GABRB2: variants seen among roughly 807,000 people sequenced by gnomAD.
GABRB2 encodes the protein gamma-aminobutyric acid receptor subunit beta-2.
Under a neutral mutation model 54.7 loss-of-function variants are expected in GABRB2, and 16 were observed. That is an observed-to-expected ratio of 0.29 (90% CI 0.20 to 0.44). The LOEUF (loss-of-function observed/expected upper bound fraction) is 0.44, where lower values mean the gene tolerates loss of function less well. GABRB2 is among the 20% of genes least tolerant of loss of function. The probability of loss-of-function intolerance (pLI) is 1.00; values close to 1 mark genes in which losing one functional copy is unlikely to be tolerated. For missense variants in GABRB2, 355 were observed against 644.0 expected (o/e 0.55, Z 4.86); for synonymous variants, 244 against 233.8 (o/e 1.04, Z -0.40).
At chr5:161,311,190 T>A (rs541837947) in intron 9 of GABRB2, among the ~76,000 whole-genome samples, 23 of 152,316 alleles carry the variant, frequency 1.5e-4, no homozygotes, top group Non-Finnish European at 2.9e-4. Flanking sequence ...GGCATGGACT[T>A]CCTCATCTCA....
At chr5:161,349,190 G>A (rs936249100) in intron 5 of GABRB2, among the ~76,000 whole-genome samples, 1 of 151,764 alleles carries the variant, frequency 6.6e-6, no homozygotes, top group African/African-American at 2.4e-5. Flanking sequence ...ATGCAAATCT[G>A]TTCTTTTCTA....
At chr5:161,411,126 A>C in intron 4 of GABRB2, 69 bp from the exon 5 acceptor site, 1 of 1,185,042 alleles carries the variant, frequency 8.4e-7, no homozygotes, top group Non-Finnish European at 1.3e-6. Context: ...TTTAAATCTA[A>C]GTATCAAAGA....
At position 161,355,446 on chromosome 5, in the gene GABRB2, CAT is replaced by C. The variant is rs776362775; in HGVS notation, c.542-18679_542-18678del. Among the ~76,000 whole-genome samples, 10 of 150,888 alleles carry C rather than the reference CAT, an allele frequency of 6.6e-5. 1 individual carries two copies. The highest frequency in any genetic ancestry group is 1.0e-4 in the Non-Finnish European group (7 of 67,728). ...TACATGCATATGTATATAACACACA[CAT>C]ATATAACAACTATACACATACATAT... On this transcript the variant is annotated intron_variant, in intron 5 of 9. Transcript: ENST00000393959.
intron 5 of GABRB2, among the ~76,000 whole-genome samples, chr5:161,354,656 G>T (rs1023558960): frequency 1.3e-5 from 2 of 151,976 alleles, no homozygotes; most frequent in East Asian, 3.9e-4. Flanking sequence ...CTTAAAAACA[G>T]CAACAAACAA....
At chr5:161,370,369 G>A (rs1019068670) in intron 5 of GABRB2, among the ~76,000 whole-genome samples, 1 of 152,150 alleles carries the variant, frequency 6.6e-6, no homozygotes. Context: ...AGTTTTGAGA[G>A]GCTAGCTTCT....
chr5:161,415,383 CA>C (rs1247009775), intron 4 of GABRB2, among the ~76,000 whole-genome samples: 7 of 152,132 alleles, frequency 4.6e-5, no homozygotes, highest in African/African-American at 1.7e-4. Flanking sequence ...ACTACTTAGC[CA>C]TTGGGAAATA....
At chr5:161,531,249 T>C (rs764105232) in intron 3 of GABRB2, among the ~76,000 whole-genome samples, 4 of 152,158 alleles carry the variant, frequency 2.6e-5, no homozygotes, top group Middle Eastern at 3.2e-3. Context: ...TTTAAAATAA[T>C]TCACAAATCA....
intron 5 of GABRB2, among the ~76,000 whole-genome samples, chr5:161,399,936 C>T (rs772605725): frequency 2.0e-4 from 30 of 151,896 alleles, no homozygotes; most frequent in African/African-American, 6.3e-4. Context: ...ATGGTGATGG[C>T]GATAATGTAA....
chr5:161,418,373 G>A (rs1257491060), intron 4 of GABRB2, among the ~76,000 whole-genome samples: 1 of 152,110 alleles, frequency 6.6e-6, no homozygotes, highest in Non-Finnish European at 1.5e-5. Context: ...AGAATATACT[G>A]TCTTCTAAGT....
chr5:161,486,839 G>T (rs1003006450), intron 3 of GABRB2, among the ~76,000 whole-genome samples: 1 of 151,914 alleles, frequency 6.6e-6, no homozygotes, highest in Non-Finnish European at 1.5e-5. Flanking sequence ...TCATTGTGAT[G>T]AACTACCTCA....
intron 9 of GABRB2, among the ~76,000 whole-genome samples, chr5:161,322,507 A>G (rs927708108): frequency 6.6e-6 from 1 of 152,206 alleles, no homozygotes. Flanking sequence ...AAGTGCTGGG[A>G]TCACAAGTGT....
chr5:161,448,328 T>C (rs184305340), intron 4 of GABRB2, among the ~76,000 whole-genome samples: 59 of 152,032 alleles, frequency 3.9e-4, no homozygotes, highest in African/African-American at 1.3e-3. Flanking sequence ...GAGGCTGAGG[T>C]AGGAGGTTTG....
At chr5:161,512,375 T>C (rs1258782036) in intron 3 of GABRB2, among the ~76,000 whole-genome samples, 1 of 151,948 alleles carries the variant, frequency 6.6e-6, no homozygotes, top group Non-Finnish European at 1.5e-5. Flanking sequence ...AGCATGGTAC[T>C]GACACAAAAA....
intron 4 of GABRB2, among the ~76,000 whole-genome samples, chr5:161,456,987 T>C (rs1757972186): frequency 6.6e-6 from 1 of 152,196 alleles, no homozygotes; most frequent in Admixed American, 6.5e-5. Context: ...TTAACTGAAT[T>C]CCTTTTACCT....
At chr5:161,432,733 T>C (rs1757204000) in intron 4 of GABRB2, among the ~76,000 whole-genome samples, 1 of 152,016 alleles carries the variant, frequency 6.6e-6, no homozygotes, top group African/African-American at 2.4e-5. Context: ...CAGATGAAGA[T>C]GAGTTATTAT....
At chr5:161,446,134 C>G (rs151230564) in intron 4 of GABRB2, among the ~76,000 whole-genome samples, 1 of 152,180 alleles carries the variant, frequency 6.6e-6, no homozygotes, top group African/African-American at 2.4e-5. Context: ...CATTAAATAT[C>G]TCTTTTGCTG....
At position 161,368,149 on chromosome 5, in the gene GABRB2, A is replaced by ACACACACACACG. The variant is rs749548536; in HGVS notation, c.542-31381_542-31380insCGTGTGTGTGTG. Among the ~76,000 whole-genome samples the ACACACACACACG allele has an allele frequency of 5.0e-3, 738 of 149,068 alleles. 8 individuals carry two copies. Among genetic ancestry groups the ACACACACACACG allele is most frequent in the Non-Finnish European group, 6.6e-3 (446 of 67,378 alleles). On this transcript the variant is annotated intron_variant, in intron 5 of 9. Coordinates refer to ENST00000393959, the MANE Select transcript of GABRB2 (RefSeq NM_001371727.1). ...CACACACACACACACACACACACAC[A>ACACACACACACG]CTCTTCCACCTCCTAAAATATTTTG...
intron 5 of GABRB2, among the ~76,000 whole-genome samples, chr5:161,367,497 C>T (rs967000571): frequency 3.5e-5 from 5 of 144,152 alleles, no homozygotes; most frequent in South Asian, 2.1e-4. Flanking sequence ...TCTGAGTTAA[C>T]GTATTTTTTT....
intron 3 of GABRB2, among the ~76,000 whole-genome samples, chr5:161,470,904 G>A (rs1170565419): frequency 3.3e-5 from 5 of 151,872 alleles, no homozygotes; most frequent in Non-Finnish European, 7.4e-5. Flanking sequence ...TTTAACACAG[G>A]TGACCCTTCA....
Sources: gnomAD v4.1 joint callset for allele counts (sites outside exome capture counted in the v4.1 genomes callset) on GRCh38, gnomAD v4.1.1 for gene constraint, MANE v1.5 for transcripts, NCBI Gene and HGNC (gene_info 2026-07-23, HGNC 2026-07-21) for gene names.